The following FAAH2 variants were observed in gnomAD, a reference collection of about 807,000 sequenced individuals.
The protein encoded by FAAH2 is fatty acid amide hydrolase 2.
A neutral mutation model predicts 36.9 loss-of-function variants in FAAH2; 60 were observed. The observed-to-expected ratio is 1.63, with a 90% CI of 1.32 to 2.02. The LOEUF is 2.02. Among genes scored for constraint, FAAH2 ranks in the 30% most tolerant of loss-of-function variants. The probability of loss-of-function intolerance (pLI) is 0.00; values close to 1 mark genes in which losing one functional copy is unlikely to be tolerated. For synonymous variants in FAAH2, 214 were observed against 143.8 expected (o/e 1.49, Z -3.49); for missense variants, 689 against 397.5 (o/e 1.73, Z -6.23).
At chrX:57,420,120 A>C (rs1332807197) in intron 7 of FAAH2, among the ~76,000 whole-genome samples, 1 of 111,809 alleles carries the variant, frequency 8.9e-6, no homozygotes, top group Non-Finnish European at 1.9e-5. Flanking sequence ...TGGTTACTGT[A>C]GCCTTGTAGT....
At chrX:57,424,280 G>A (rs2056107734) in intron 7 of FAAH2, among the ~76,000 whole-genome samples, 1 of 111,953 alleles carries the variant, frequency 8.9e-6, no homozygotes, top group South Asian at 3.8e-4. Flanking sequence ...CCATCTCTGG[G>A]GCTGAGCATA....
the FAAH2 span, among the ~76,000 whole-genome samples, chrX:57,191,115 A>G: frequency 1.5e-4 from 17 of 111,715 alleles, no homozygotes; most frequent in Non-Finnish European, 2.1e-4. Context: ...ACAGTGTATG[A>G]GTTCTCTCTT....
intron 7 of FAAH2, among the ~76,000 whole-genome samples, chrX:57,430,559 G>A (rs1326574912): frequency 9.0e-6 from 1 of 111,241 alleles, no homozygotes; most frequent in African/African-American, 3.3e-5. Context: ...GGACTCCTCT[G>A]CTTATACAGA....
chrX:57,274,349 A>G, the FAAH2 span, among the ~76,000 whole-genome samples: 1 of 112,111 alleles, frequency 8.9e-6, no homozygotes, highest in African/African-American at 3.2e-5. Context: ...AGCTGCTACC[A>G]TTCCTTCTGA....
intron 2 of FAAH2, among the ~76,000 whole-genome samples, chrX:57,295,230 G>A (rs770026758): frequency 8.9e-6 from 1 of 112,093 alleles, no homozygotes; most frequent in Non-Finnish European, 1.9e-5. Context: ...TGTGTGATGA[G>A]ACTAGTTCTA....
chrX:57,122,904 A>G, the FAAH2 span, among the ~76,000 whole-genome samples: 5 of 112,609 alleles, frequency 4.4e-5, no homozygotes, highest in Admixed American at 4.7e-4. Context: ...AAAGCTTCAT[A>G]TCTAGTGCTG....
At chrX:57,343,286 T>A (rs2147063505) in intron 5 of FAAH2, among the ~76,000 whole-genome samples, 1 of 111,906 alleles carries the variant, frequency 8.9e-6, no homozygotes, top group East Asian at 2.8e-4. Context: ...TGTCAGTTAT[T>A]TTTGGATTTT....
the FAAH2 span, among the ~76,000 whole-genome samples, chrX:57,258,989 G>A: frequency 9.0e-6 from 1 of 110,541 alleles, no homozygotes; most frequent in Non-Finnish European, 1.9e-5. Flanking sequence ...AAAGTGCTGG[G>A]ATTACAGGCA....
At chrX:57,445,005 G>T (rs1015512849) in intron 8 of FAAH2, among the ~76,000 whole-genome samples, 2 of 111,431 alleles carry the variant, frequency 1.8e-5, no homozygotes, top group East Asian at 2.8e-4. Context: ...TAGTTTATTT[G>T]GTTAGGTTAT....
At chrX:57,338,806 TC>T (rs1186449485) in intron 4 of FAAH2, among the ~76,000 whole-genome samples, 1 of 111,173 alleles carries the variant, frequency 9.0e-6, no homozygotes, top group African/African-American at 3.3e-5. Context: ...ATAGGAAGAA[TC>T]ATTATCGTGA....
At chrX:57,426,094 T>C (rs1379227057) in intron 7 of FAAH2, among the ~76,000 whole-genome samples, 1 of 111,782 alleles carries the variant, frequency 8.9e-6, no homozygotes, top group Non-Finnish European at 1.9e-5. Flanking sequence ...GATACTGACA[T>C]CATAGAATGA....
intron 4 of FAAH2, among the ~76,000 whole-genome samples, chrX:57,332,578 A>G (rs2053438654): frequency 1.8e-5 from 2 of 112,021 alleles, no homozygotes; most frequent in South Asian, 3.7e-4. Context: ...GAACCAGCAC[A>G]GCTTTAGAGA....
At chrX:57,191,826 C>A in the FAAH2 span, among the ~76,000 whole-genome samples, 3 of 111,770 alleles carry the variant, frequency 2.7e-5, no homozygotes, top group African/African-American at 6.5e-5. Context: ...GTTCTCTATT[C>A]TCTTCTATTG....
At chrX:57,281,910 T>A (rs1275661105), upstream of FAAH2, among the ~76,000 whole-genome samples, 1 of 112,288 alleles carries the variant, frequency 8.9e-6, no homozygotes, top group Admixed American at 9.5e-5. Flanking sequence ...CATTCCTGTT[T>A]ATGGCTGTGT....
intron 1 of FAAH2, 105 bp from the exon 2 acceptor site, chrX:57,292,392 GT>G: frequency 2.9e-6 from 2 of 689,221 alleles, no homozygotes; most frequent in Middle Eastern, 3.7e-4. Context: ...TTCACTGAAA[GT>G]GTCTCAAAAA....
At chrX:57,260,869 G>T in the FAAH2 span, among the ~76,000 whole-genome samples, 7 of 110,033 alleles carry the variant, frequency 6.4e-5, 1 homozygote, top group Admixed American at 6.8e-4. Flanking sequence ...CTCACAAGGC[G>T]GCTAAAAAGT....
At chrX:57,434,631 A>G (rs1426482148) in intron 8 of FAAH2, among the ~76,000 whole-genome samples, 1 of 110,373 alleles carries the variant, frequency 9.1e-6, no homozygotes. Context: ...AGCCCTTAAG[A>G]TGAGTGTGCA....
At chrX:57,353,379 A>G (rs897345813) in intron 5 of FAAH2, among the ~76,000 whole-genome samples, 25 of 108,574 alleles carry the variant, frequency 2.3e-4, no homozygotes, top group Non-Finnish European at 1.9e-4. Flanking sequence ...GGTGCTGGGA[A>G]AATTGGATAG....
At chrX:57,165,988 A>G in the FAAH2 span, among the ~76,000 whole-genome samples, 4 of 110,970 alleles carry the variant, frequency 3.6e-5, no homozygotes, top group Non-Finnish European at 7.6e-5. Context: ...CTGGATGTTG[A>G]GAGGAACACA....
Sources: allele counts gnomAD v4.1 joint callset (sites outside exome capture counted in the v4.1 genomes callset), GRCh38; gene constraint gnomAD v4.1.1; transcripts MANE v1.5; gene names NCBI Gene and HGNC (gene_info 2026-07-23, HGNC 2026-07-21).